SNTG1: variants seen among roughly 807,000 people sequenced by gnomAD.
The protein encoded by SNTG1 is gamma-1-syntrophin.
Under a neutral mutation model 74.7 loss-of-function variants are expected in SNTG1, and 39 were observed. That is an observed-to-expected ratio of 0.52 (90% CI 0.40 to 0.68). The LOEUF (loss-of-function observed/expected upper bound fraction) is 0.68. Among genes scored for constraint, SNTG1 ranks in the 30% least tolerant of loss-of-function variants. The pLI is 0.00. For synonymous variants in SNTG1, 254 were observed against 217.1 expected (o/e 1.17, Z -1.49); for missense variants, 685 against 609.5 (o/e 1.12, Z -1.30).
At chr8:50,555,528 A>G (rs1225267522) in intron 12 of SNTG1, among the ~76,000 whole-genome samples, 2 of 152,132 alleles carry the variant, frequency 1.3e-5, no homozygotes, top group Non-Finnish European at 2.9e-5. Flanking sequence ...TTAGTTAGAT[A>G]TCAGTTCTAC....
chr8:50,294,326 T>C (rs1563857111), intron 2 of SNTG1, among the ~76,000 whole-genome samples: 1 of 152,056 alleles, frequency 6.6e-6, no homozygotes. Context: ...GGCTCAGGAG[T>C]CATCCAACAG....
chr8:49,926,538 G>T (rs1228864444), intron 1 of SNTG1, among the ~76,000 whole-genome samples: 1 of 151,988 alleles, frequency 6.6e-6, no homozygotes, highest in Non-Finnish European at 1.5e-5. Context: ...ACATTCACAT[G>T]CAAAGAAAAT....
intron 2 of SNTG1, among the ~76,000 whole-genome samples, chr8:50,282,769 A>C (rs2088546217): frequency 6.6e-6 from 1 of 151,286 alleles, no homozygotes; most frequent in African/African-American, 2.4e-5. Flanking sequence ...TGTCCATCTC[A>C]AAAAAAAAGG....
At chr8:50,140,822 G>T (rs1358818611) in intron 1 of SNTG1, among the ~76,000 whole-genome samples, 1 of 152,148 alleles carries the variant, frequency 6.6e-6, no homozygotes, top group Non-Finnish European at 1.5e-5. Context: ...TTTGGAAACA[G>T]GGAGATTGTT....
chr8:50,272,764 T>TGCTATAGACAGAGGCAACA (rs1184824010), intron 2 of SNTG1, among the ~76,000 whole-genome samples: 1 of 151,948 alleles, frequency 6.6e-6, no homozygotes, highest in Non-Finnish European at 1.5e-5. Flanking sequence ...ATAGACAGAG[T>TGCTATAGACAGAGGCAACA]CTTTCTCTGT....
chr8:50,109,722 A>G (rs139773898), intron 1 of SNTG1, among the ~76,000 whole-genome samples: 53 of 152,222 alleles, frequency 3.5e-4, no homozygotes, highest in African/African-American at 1.2e-3. Context: ...CTAAGTGACA[A>G]TTCAAAGATA....
At chr8:49,938,611 C>CTTTTCTTTTTTTTCT (rs71928710) in intron 1 of SNTG1, among the ~76,000 whole-genome samples, 3 of 12,560 alleles carry the variant, frequency 2.4e-4, no homozygotes, top group Non-Finnish European at 6.9e-4. Context: ...TCTTTTCTTT[C>CTTTTCTTTTTTTTCT]TTTCTTTCTT....
At chr8:50,188,127 C>A (rs908850882) in intron 2 of SNTG1, among the ~76,000 whole-genome samples, 1 of 152,172 alleles carries the variant, frequency 6.6e-6, no homozygotes, top group Non-Finnish European at 1.5e-5. Flanking sequence ...CACTTATTGA[C>A]AATCATTCTC....
intron 1 of SNTG1, among the ~76,000 whole-genome samples, chr8:50,153,707 G>T (rs1038147627): frequency 2.0e-5 from 3 of 152,188 alleles, no homozygotes; most frequent in Non-Finnish European, 4.4e-5. Context: ...AGCGGAGGCT[G>T]CAGAACAGCG....
At chr8:50,687,022 C>A (rs1195379299) in intron 15 of SNTG1, among the ~76,000 whole-genome samples, 1 of 151,252 alleles carries the variant, frequency 6.6e-6, no homozygotes, top group African/African-American at 2.4e-5. Flanking sequence ...GTAGTCCCAG[C>A]TGCTCGGGAG....
At chr8:50,483,764 T>G (rs2093760058) in intron 8 of SNTG1, among the ~76,000 whole-genome samples, 1 of 152,254 alleles carries the variant, frequency 6.6e-6, no homozygotes, top group Admixed American at 6.5e-5. Flanking sequence ...ATTCTGCAGC[T>G]GCAAATCTAA....
At chr8:49,935,711 G>C (rs1451946101) in intron 1 of SNTG1, among the ~76,000 whole-genome samples, 1 of 152,056 alleles carries the variant, frequency 6.6e-6, no homozygotes, top group Non-Finnish European at 1.5e-5. Flanking sequence ...ACAATCCTTT[G>C]TCACCAGCCT....
At chr8:50,280,985 C>CAAAA (rs35973666) in intron 2 of SNTG1, among the ~76,000 whole-genome samples, 391 of 73,508 alleles carry the variant, frequency 5.3e-3, no homozygotes, top group Middle Eastern at 8.2e-3. Context: ...AACCCAGTCT[C>CAAAA]AAAAAAAAAA....
At chr8:50,502,913 CACATCATTATAGTT>C in intron 9 of SNTG1, 33 bp downstream of exon 9, 4 of 1,481,334 alleles carry the variant, frequency 2.7e-6, no homozygotes, top group East Asian at 4.5e-5. Context: ...TAAAAGTGCT[CACATCATTATAGTT>C]ACATAATTAT....
intron 1 of SNTG1, among the ~76,000 whole-genome samples, chr8:50,097,671 G>A (rs1045500345): frequency 4.0e-5 from 6 of 151,758 alleles, no homozygotes; most frequent in African/African-American, 1.5e-4. Flanking sequence ...AACAAAAAAC[G>A]AAACTAAGGA....
At chr8:50,083,461 A>C (rs557131238) in intron 1 of SNTG1, among the ~76,000 whole-genome samples, 68 of 152,240 alleles carry the variant, frequency 4.5e-4, no homozygotes, top group Non-Finnish European at 5.4e-4. Context: ...AATGCAGAAA[A>C]TATAAGCAAA....
chr8:49,983,867 T>C (rs114712548), intron 1 of SNTG1, among the ~76,000 whole-genome samples: 1,585 of 152,360 alleles, frequency 0.01, 27 homozygotes, highest in African/African-American at 0.036. Flanking sequence ...ATTTTATTCA[T>C]GAGAAAATTC....
At chr8:50,189,685 A>C (rs2083497936) in intron 2 of SNTG1, among the ~76,000 whole-genome samples, 1 of 152,184 alleles carries the variant, frequency 6.6e-6, no homozygotes, top group Non-Finnish European at 1.5e-5. Context: ...CTCTGTGTCA[A>C]GCCTCCTTGT....
chr8:50,238,135 A>G (rs2085999376), intron 2 of SNTG1, among the ~76,000 whole-genome samples: 1 of 152,186 alleles, frequency 6.6e-6, no homozygotes, highest in Non-Finnish European at 1.5e-5. Context: ...ACAGAATTAG[A>G]AAAATTTCTA....
Sources: allele counts gnomAD v4.1 joint callset (sites outside exome capture counted in the v4.1 genomes callset), GRCh38; gene constraint gnomAD v4.1.1; transcripts MANE v1.5; gene names NCBI Gene and HGNC (gene_info 2026-07-23, HGNC 2026-07-21).